The following COX7B2 variants were observed in gnomAD, a reference collection of about 807,000 sequenced individuals.
COX7B2 encodes cytochrome c oxidase subunit 7B2, mitochondrial.
For synonymous variants in COX7B2, 37 were observed against 32.1 expected (o/e 1.15, Z -0.51); for missense variants, 109 against 95.9 (o/e 1.14, Z -0.57).
At chr4:46,766,790 T>G (rs1716569145) in intron 2 of COX7B2, among the ~76,000 whole-genome samples, 1 of 151,690 alleles carries the variant, frequency 6.6e-6, no homozygotes, top group Non-Finnish European at 1.5e-5. Flanking sequence ...TGCATTAAAC[T>G]GACCATTACA....
chr4:46,785,079 C>T (rs1717676325), intron 2 of COX7B2, among the ~76,000 whole-genome samples: 1 of 152,072 alleles, frequency 6.6e-6, no homozygotes, highest in Admixed American at 6.5e-5. Flanking sequence ...TTCATTACTC[C>T]AAAGAGTTTT....
chr4:46,831,171 T>A (rs1256067381), intron 2 of COX7B2, among the ~76,000 whole-genome samples: 3 of 151,948 alleles, frequency 2.0e-5, no homozygotes, highest in Non-Finnish European at 4.4e-5. Context: ...AGTGAAAGGC[T>A]TAGCCCCCAG....
chr4:46,744,187 C>T (rs947868663), intron 2 of COX7B2, among the ~76,000 whole-genome samples: 1 of 151,924 alleles, frequency 6.6e-6, no homozygotes, highest in Non-Finnish European at 1.5e-5. Context: ...ATCTGAGTTC[C>T]TTCCTCCGAG....
At chr4:46,871,768 A>C (rs946450144) in intron 1 of COX7B2, among the ~76,000 whole-genome samples, 9 of 152,294 alleles carry the variant, frequency 5.9e-5, no homozygotes, top group Non-Finnish European at 1.2e-4. Context: ...AATGCCAATC[A>C]AAAACAATGA....
intron 1 of COX7B2, among the ~76,000 whole-genome samples, chr4:46,888,266 C>T (rs753890169): frequency 2.6e-5 from 4 of 152,084 alleles, no homozygotes; most frequent in South Asian, 2.1e-4. Context: ...CAGTCCTTTA[C>T]GATTATGGGA....
At chr4:46,844,905 A>G (rs1018704339) in intron 2 of COX7B2, 55 bp downstream of exon 2, 3 of 151,986 alleles carry the variant, frequency 2.0e-5, no homozygotes, top group Non-Finnish European at 4.4e-5. Context: ...TTTAACTTTT[A>G]CTTTGTGAAA....
intron 2 of COX7B2, among the ~76,000 whole-genome samples, chr4:46,746,555 G>C (rs539455713): frequency 8.5e-5 from 13 of 152,122 alleles, no homozygotes; most frequent in Non-Finnish European, 1.6e-4. Flanking sequence ...TGGAAACAGA[G>C]GTTTATTCAT....
chr4:46,838,716 G>A (rs1715706193), intron 2 of COX7B2, among the ~76,000 whole-genome samples: 1 of 152,034 alleles, frequency 6.6e-6, no homozygotes, highest in African/African-American at 2.4e-5. Context: ...ATCATTGGCA[G>A]CTTTCATTTC....
At chr4:46,882,772 T>C (rs1718828587) in intron 1 of COX7B2, among the ~76,000 whole-genome samples, 1 of 152,200 alleles carries the variant, frequency 6.6e-6, no homozygotes, top group African/African-American at 2.4e-5. Context: ...AAGTTACTTA[T>C]TACATAAAGA....
intron 2 of COX7B2, among the ~76,000 whole-genome samples, chr4:46,782,249 G>A (rs1577698506): frequency 6.6e-6 from 1 of 152,070 alleles, no homozygotes; most frequent in East Asian, 2.0e-4. Flanking sequence ...AGCTAATCTG[G>A]TGGGGACTTG....
intron 2 of COX7B2, among the ~76,000 whole-genome samples, chr4:46,803,226 T>A (rs185933452): frequency 3.9e-5 from 6 of 152,286 alleles, no homozygotes; most frequent in African/African-American, 1.4e-4. Context: ...TGAAATCAGA[T>A]CTCAGTAGTT....
chr4:46,835,788 T>A (rs1715476889), intron 2 of COX7B2, among the ~76,000 whole-genome samples: 1 of 152,158 alleles, frequency 6.6e-6, no homozygotes, highest in African/African-American at 2.4e-5. Context: ...GGCAATTTCA[T>A]CAACGTACAA....
At chr4:46,794,999 T>C (rs1398366653) in intron 2 of COX7B2, among the ~76,000 whole-genome samples, 4,752 of 151,776 alleles carry the variant, frequency 0.031, 292 homozygotes, top group African/African-American at 0.099. Context: ...AGAGTCTTCT[T>C]TTGAGAAGTG....
chr4:46,754,728 G>GTGTGTGTATATATA (rs1333586285), intron 2 of COX7B2, among the ~76,000 whole-genome samples: 3 of 39,866 alleles, frequency 7.5e-5, no homozygotes, highest in Admixed American at 4.5e-4. Flanking sequence ...GTGTGTGTGT[G>GTGTGTGTATATATA]TATATATATA....
Position 46,788,688 on chromosome 4 carries a change from T to C in COX7B2, c.-49-53447A>G, listed in dbSNP as rs187862473. Among the ~76,000 whole-genome samples, 186 of 152,296 alleles carry C rather than the reference T, an allele frequency of 1.2e-3. 1 individual carries two copies. Among genetic ancestry groups the C allele is most frequent in the African/African-American group, 4.2e-3 (176 of 41,568 alleles). ...TTTATGTATTTGTATATATAACTTA[T>C]TTTTAGAAGACACAAAATGAGGATA... On this transcript the variant is annotated intron_variant, in intron 2 of 2. Coordinates refer to ENST00000355591, the MANE Select transcript of COX7B2 (RefSeq NM_130902.3).
chr4:46,873,000 G>T (rs1718095135), intron 1 of COX7B2, among the ~76,000 whole-genome samples: 1 of 145,408 alleles, frequency 6.9e-6, no homozygotes, highest in Non-Finnish European at 1.5e-5. Context: ...AGGCCCCAGT[G>T]TGTGATGTTT....
intron 2 of COX7B2, among the ~76,000 whole-genome samples, chr4:46,759,025 T>C (rs1715969012): frequency 6.6e-6 from 1 of 152,100 alleles, no homozygotes. Context: ...TCCTGCAGGT[T>C]TATGCACAAT....
At position 46,813,845 on chromosome 4, in the gene COX7B2, G is replaced by GA. The variant is rs1031723972; in HGVS notation, c.-50+31114dup. ...TAAAAGAAACACAAACAACTTAACA[G>GA]AAAAAAAACTAATAATCTGATTTTA... On this transcript the variant is annotated intron_variant, in intron 2 of 2. Transcript: ENST00000355591. 3.0e-4 allele frequency among the ~76,000 whole-genome samples: 46 copies of GA among 151,602 alleles called. 1 individual carries two copies. Among genetic ancestry groups the GA allele is most frequent in the African/African-American group, 6.5e-4 (27 of 41,334 alleles).
intron 2 of COX7B2, among the ~76,000 whole-genome samples, chr4:46,759,918 A>C (rs1245757571): frequency 6.6e-6 from 1 of 151,020 alleles, no homozygotes; most frequent in Non-Finnish European, 1.5e-5. Context: ...TATATAAGTT[A>C]TATAAGTCTT....
Sources: allele counts gnomAD v4.1 joint callset (sites outside exome capture counted in the v4.1 genomes callset), GRCh38; gene constraint gnomAD v4.1.1; transcripts MANE v1.5; gene names NCBI Gene and HGNC (gene_info 2026-07-23, HGNC 2026-07-21).